Variants in MS4A14 observed in about 807,000 individuals in gnomAD.
MS4A14 encodes membrane-spanning 4-domains subfamily A member 14.
Under a neutral mutation model 16.7 loss-of-function variants are expected in MS4A14, and 18 were observed. The ratio of observed to expected loss-of-function variants is 1.08; its 90% CI spans 0.75 to 1.60. MS4A14 has a LOEUF of 1.60. Among genes scored for constraint, MS4A14 ranks in the 40% most tolerant of loss-of-function variants. MS4A14 has a pLI of 0.00. For missense variants in MS4A14, 812 were observed against 775.3 expected (o/e 1.05, Z -0.56); for synonymous variants, 305 against 289.4 (o/e 1.05, Z -0.55).
intron 4 of MS4A14, among the ~76,000 whole-genome samples, chr11:60,407,336 G>T (rs184919363): frequency 1.2e-4 from 19 of 152,130 alleles, no homozygotes; most frequent in Admixed American, 1.2e-3. Context: ...ACCTTTTGAT[G>T]GGTATTTAGA....
chr11:60,402,765 T>G (rs886383284), intron 3 of MS4A14, 147 bp from the exon 4 acceptor site: 14 of 768,282 alleles, frequency 1.8e-5, no homozygotes, highest in Non-Finnish European at 2.7e-5. Flanking sequence ...GAATTTAGTT[T>G]ATTAAGCCTT....
At chr11:60,406,233 A>G (rs544597851) in intron 4 of MS4A14, among the ~76,000 whole-genome samples, 2 of 152,318 alleles carry the variant, frequency 1.3e-5, no homozygotes, top group East Asian at 3.9e-4. Flanking sequence ...CTGTTAAGAC[A>G]TAGCTCCTTA....
Position 60,416,459 on chromosome 11 carries a change from C to T in MS4A14, c.1491C>T (p.Tyr497=), listed in dbSNP as rs150409796. The T allele has an allele frequency of 5.0e-5, 80 of 1,613,816 alleles. No individual in the cohort carries two copies. Among genetic ancestry groups the T allele is most frequent in the Middle Eastern group, 1.6e-4 (1 of 6,084 alleles). Residue 497 remains tyrosine, a synonymous_variant, in exon 5 of 5, where the codon TAC becomes TAT. Coordinates refer to ENST00000300187, the MANE Select transcript of MS4A14 (RefSeq NM_032597.5). ...SLNQQTKALQ[Y]LRRHSLDVQA... ...ACCAGCAAACCAAAGCCTTGCAATACTTAAGGAGACATTCTTTAGACGTGC... is the reference window on the plus strand; with the variant it reads ...ACCAGCAAACCAAAGCCTTGCAATATTTAAGGAGACATTCTTTAGACGTGC...
At chr11:60,402,262 C>T (rs2085725696) in intron 3 of MS4A14, among the ~76,000 whole-genome samples, 1 of 150,274 alleles carries the variant, frequency 6.7e-6, no homozygotes, top group Non-Finnish European at 1.5e-5. Context: ...AGAAAAAACA[C>T]CTTTAAACTC....
At chr11:60,405,803 G>A (rs1013752485) in intron 4 of MS4A14, 1 of 963,726 alleles carries the variant, frequency 1.0e-6, no homozygotes, top group African/African-American at 1.6e-5. Flanking sequence ...CATACTTGGT[G>A]ATAGAGTGTA....
chr11:60,409,140 T>C (rs995885978), intron 4 of MS4A14, among the ~76,000 whole-genome samples: 1 of 152,234 alleles, frequency 6.6e-6, no homozygotes, highest in Non-Finnish European at 1.5e-5. Context: ...CATCATTTCT[T>C]TGTAGTGATG....
At chr11:60,407,181 AATTTTTTTTGT>A (rs919939237) in intron 4 of MS4A14, among the ~76,000 whole-genome samples, 3 of 151,642 alleles carry the variant, frequency 2.0e-5, no homozygotes, top group African/African-American at 7.3e-5. Context: ...CCCCCAGCTA[AATTTTTTTTGT>A]ATTTTTTTTG....
intron 3 of MS4A14, among the ~76,000 whole-genome samples, chr11:60,401,376 A>G (rs540598956): frequency 6.6e-6 from 1 of 152,214 alleles, no homozygotes; most frequent in African/African-American, 2.4e-5. Context: ...ATACATGCAG[A>G]CAATGCAGAT....
chr11:60,410,774 C>A (rs1590817361), intron 4 of MS4A14, among the ~76,000 whole-genome samples: 1 of 151,934 alleles, frequency 6.6e-6, no homozygotes, highest in African/African-American at 2.4e-5. Context: ...GCATTTATTT[C>A]TGAATGATTC....
chr11:60,400,514 G>A, intron 3 of MS4A14, 60 bp downstream of exon 3: 1 of 1,205,838 alleles, frequency 8.3e-7, no homozygotes, highest in Non-Finnish European at 1.2e-6. Flanking sequence ...TCATCTTTAT[G>A]TATGAAGCCT....
At chr11:60,415,352 T>C (rs2085922137) in intron 4 of MS4A14, 85 bp from the exon 5 acceptor site, 1 of 1,431,836 alleles carries the variant, frequency 7.0e-7, no homozygotes, top group East Asian at 2.3e-5. Context: ...CTGTCTTAAG[T>C]CAGAAATGAA....
intron 4 of MS4A14, among the ~76,000 whole-genome samples, chr11:60,406,870 T>C (rs2085793621): frequency 6.6e-6 from 1 of 152,142 alleles, no homozygotes; most frequent in South Asian, 2.1e-4. Context: ...GAATCATAAG[T>C]AAGTACTCTC....
At chr11:60,412,526 T>C (rs1246785840) in intron 4 of MS4A14, among the ~76,000 whole-genome samples, 1 of 151,988 alleles carries the variant, frequency 6.6e-6, no homozygotes, top group Non-Finnish European at 1.5e-5. Flanking sequence ...TAAGTTTTTA[T>C]AGTATTCTTT....
chr11:60,403,328 A>C lies in MS4A14; in HGVS notation c.468+267A>C, dbSNP rs564811252. On this transcript the variant is annotated intron_variant, in intron 4 of 4. Coordinates refer to ENST00000300187, the MANE Select transcript of MS4A14 (RefSeq NM_032597.5). ...TTTCCTCAAGTGGAAAATGAACATA[A>C]TGAGAATGCTTACCTCATGGGTTGT... 4.7e-5 allele frequency among the ~76,000 whole-genome samples: 7 copies of C among 147,830 alleles called. No homozygotes were observed. In the East Asian group the frequency reaches 1.2e-3, roughly 24 times the overall value.
intron 2 of MS4A14, among the ~76,000 whole-genome samples, chr11:60,398,835 T>C (rs1270644601): frequency 6.6e-6 from 1 of 152,212 alleles, no homozygotes; most frequent in African/African-American, 2.4e-5. Context: ...ATTTTCCCAA[T>C]ATAAATAATG....
Position 60,415,818 on chromosome 11 carries a change from G to A in MS4A14, c.850G>A (p.Val284Ile), listed in dbSNP as rs368158780. 9.3e-6 allele frequency: 15 copies of A among 1,613,774 alleles called. No individual in the cohort carries two copies. In the African/African-American group the frequency reaches 1.5e-4, roughly 16 times the overall value. ...AGATGAAGATCTACAATCTGCTATTGTACAACCTTCTCAAATGCAAACCAA... is the reference window on the plus strand; with the variant it reads ...AGATGAAGATCTACAATCTGCTATTATACAACCTTCTCAAATGCAAACCAA... ...MKDEDLQSAI[V>I]QPSQMQTKLL... Residue 284 changes from valine (V) to isoleucine (I), a missense_variant, in exon 5 of 5, where the codon GTA becomes ATA. Coordinates refer to ENST00000300187, the MANE Select transcript of MS4A14 (RefSeq NM_032597.5).
chr11:60,404,180 G>A (rs12273846), intron 4 of MS4A14, among the ~76,000 whole-genome samples: 3 of 152,200 alleles, frequency 2.0e-5, no homozygotes, highest in Non-Finnish European at 4.4e-5. Context: ...TAAATCTCCA[G>A]ATATATGAAA....
In MS4A14 at chr11:60,416,192, A is replaced by G. The variant is rs1450761590; in HGVS notation, c.1224A>G (p.Gln408=). 1.2e-6 allele frequency: 2 copies of G among 1,613,768 alleles called. No individual in the cohort carries two copies. The highest frequency in any genetic ancestry group is 3.3e-5 in the Admixed American group (2 of 59,896). Residue 408 remains glutamine, a synonymous_variant, in exon 5 of 5, where the codon CAA becomes CAG. Transcript: ENST00000300187. ...TACCTTCCCAAGATATGCTATCCCAAGCTCTATCAGCGCATGCCATATTAC... is the reference window on the plus strand; with the variant it reads ...TACCTTCCCAAGATATGCTATCCCAGGCTCTATCAGCGCATGCCATATTAC... ...QDIPSQDMLS[Q]ALSAHAILPE...
In MS4A14 at chr11:60,416,814, T is replaced by C. The variant is rs200543306; in HGVS notation, c.1846T>C (p.Ser616Pro). The C allele has an allele frequency of 6.2e-7, 1 of 1,613,096 alleles. No individual in the cohort carries two copies. The highest frequency in any genetic ancestry group is 8.5e-7 in the Non-Finnish European group (1 of 1,179,698). The change falls in exon 5 of 5, where the codon TCC (serine) becomes CCC (proline). Residue 616 changes from serine (S) to proline (P), a missense_variant. Physicochemically the swap from Ser to Pro is moderately conservative, Grantham distance 74. Transcript: ENST00000300187. The part of the protein sequence containing the change: ...TEDQPAQEKK[S>P]PKGQFQNVQA... ...AGACCAGCCGGCCCAAGAGAAGAAA[T>C]CCCCGAAAGGACAATTCCAAAATGT... is the stretch of plus-strand genomic sequence containing the variant.
Sources: gnomAD v4.1 joint callset for allele counts (sites outside exome capture counted in the v4.1 genomes callset) on GRCh38, gnomAD v4.1.1 for gene constraint, MANE v1.5 for transcripts, NCBI Gene and HGNC (gene_info 2026-07-23, HGNC 2026-07-21) for gene names.